Variants in DOCK9 observed in about 807,000 individuals in gnomAD.
DOCK9 encodes the protein dedicator of cytokinesis protein 9.
In DOCK9, 89 loss-of-function variants were observed where a neutral mutation model predicts 263.3. That is an observed-to-expected ratio of 0.34 (90% confidence interval 0.28 to 0.40). The LOEUF (loss-of-function observed/expected upper bound fraction) is 0.40. Among genes scored for constraint, DOCK9 ranks in the 10% least tolerant of loss-of-function variants. DOCK9 has a pLI of 1.00. For missense variants in DOCK9, 2,140 were observed against 2,603.4 expected, an observed-to-expected ratio of 0.82 and a Z score of 3.87; for synonymous variants, 976 against 973.1, an observed-to-expected ratio of 1.00 and a Z score of -0.06.
chr13:98,916,073 C>A (rs1039089173), intron 7 of DOCK9, among the ~76,000 whole-genome samples: 5 of 152,164 alleles, frequency 3.3e-5, no homozygotes, highest in African/African-American at 1.2e-4. Context: ...CCTCATGCCT[C>A]CAGTTTTCAT....
chr13:98,845,597 G>A (rs765823798), intron 38 of DOCK9, among the ~76,000 whole-genome samples: 3 of 152,140 alleles, frequency 2.0e-5, no homozygotes, highest in African/African-American at 7.2e-5. Flanking sequence ...ACATTAAGTC[G>A]GTTCTAGGTG....
At chr13:98,941,813 G>A (rs967638650) in intron 2 of DOCK9, among the ~76,000 whole-genome samples, 1 of 152,150 alleles carries the variant, frequency 6.6e-6, no homozygotes, top group Non-Finnish European at 1.5e-5. Flanking sequence ...CTAGAGGCGA[G>A]AATAGAGGCT....
chr13:99,027,011 C>CTTG lies in DOCK9; in HGVS notation c.129+59209_129+59211dup, dbSNP rs375011511. Among the ~76,000 whole-genome samples, 63 of 152,000 alleles carry CTTG rather than the reference C, an allele frequency of 4.1e-4. 1 individual carries two copies. Among genetic ancestry groups the CTTG allele is most frequent in the Middle Eastern group, 6.8e-3 (2 of 294 alleles). ...ACTGAGTCACATGGTCTCATTTAAT[C>CTTG]TTGTTGTTGTTGTTGTTGTCGTTGT... On this transcript the variant is annotated intron_variant, in intron 1 of 32. Transcript: ENST00000427887.
chr13:98,970,350 GT>G (rs1346836819), intron 1 of DOCK9, among the ~76,000 whole-genome samples: 1 of 152,192 alleles, frequency 6.6e-6, no homozygotes, highest in Non-Finnish European at 1.5e-5. Context: ...ATGGCTCAGT[GT>G]AAGAAAAGAC....
upstream of DOCK9, among the ~76,000 whole-genome samples, chr13:98,979,618 T>A (rs1567165151): frequency 6.6e-6 from 1 of 152,212 alleles, no homozygotes; most frequent in Non-Finnish European, 1.5e-5. Context: ...ATGGCTTCTA[T>A]AATTTTTTTT....
intron 1 of DOCK9, among the ~76,000 whole-genome samples, chr13:99,013,448 A>G: frequency 6.6e-6 from 1 of 152,140 alleles, no homozygotes. Flanking sequence ...CTATAAGTGT[A>G]CTCCTAGTAA....
intron 1 of DOCK9, chr13:99,015,727 C>G (rs1198167042): frequency 7.1e-7 from 1 of 1,412,710 alleles, no homozygotes; most frequent in Non-Finnish European, 9.2e-7. Context: ...GTCACCGGTA[C>G]TGGAACAGAA....
At chr13:99,029,256 T>C (rs974581823) in intron 1 of DOCK9, among the ~76,000 whole-genome samples, 2 of 152,180 alleles carry the variant, frequency 1.3e-5, no homozygotes, top group South Asian at 2.1e-4. Context: ...GTTTCAGCTC[T>C]GTGGGGCCTC....
chr13:98,897,281 AC>A (rs1453519056), intron 15 of DOCK9, among the ~76,000 whole-genome samples: 1 of 152,012 alleles, frequency 6.6e-6, no homozygotes, highest in Non-Finnish European at 1.5e-5. Flanking sequence ...ACCACCCAAA[AC>A]ATCCTCTACA....
At chr13:98,809,284 T>A in intron 47 of DOCK9, 68 bp downstream of exon 47, 1 of 1,166,312 alleles carries the variant, frequency 8.6e-7, no homozygotes, top group Non-Finnish European at 1.2e-6. Context: ...TATAGTTTTT[T>A]TTTTGTTTTT....
At chr13:98,899,228 A>G (rs1250514538) in intron 13 of DOCK9, among the ~76,000 whole-genome samples, 1 of 151,950 alleles carries the variant, frequency 6.6e-6, no homozygotes, top group African/African-American at 2.4e-5. Context: ...TTCTGACAAG[A>G]CCTCCGGTGA....
Position 98,955,478 on chromosome 13 carries a change from T to C in DOCK9, c.200A>G (p.Asp67Gly). The change falls in exon 2 of 53, where the codon GAC (aspartate) becomes GGC (glycine). Residue 67 changes from aspartate to glycine, a missense_variant. Around this residue, in one of 2 missense-constraint regions of DOCK9, gnomAD observed 1,521 missense variants for 1,741.7 expected, o/e 0.87. Transcript: ENST00000682017. Reference sequence around the variant, plus strand: ...GAAGAGCAGCATCTCCCGTAAACAGTCGTTCAGGATCTGAGTCTTCTTCTG... The same window carrying C: ...GAAGAGCAGCATCTCCCGTAAACAGCCGTTCAGGATCTGAGTCTTCTTCTG... ...IVQKKTQILN[D>G]CLREMLLFPY... is the part of the protein sequence containing the mutation. The C allele has an allele frequency of 6.3e-7, 1 of 1,598,146 alleles. No individual in the cohort carries two copies. The highest frequency in any genetic ancestry group is 8.5e-7 in the Non-Finnish European group (1 of 1,171,404).
chr13:98,853,229 T>C (rs562606091), intron 35 of DOCK9, among the ~76,000 whole-genome samples, 179 bp downstream of exon 35: 162 of 152,362 alleles, frequency 1.1e-3, no homozygotes, highest in African/African-American at 3.8e-3. Context: ...ATAAGGTTCT[T>C]ATTTCTAAGA....
chr13:98,913,221 A>G (rs1426856755), intron 9 of DOCK9, among the ~76,000 whole-genome samples: 1 of 152,216 alleles, frequency 6.6e-6, no homozygotes, highest in Non-Finnish European at 1.5e-5. Flanking sequence ...TAGATAAACC[A>G]TGTTTCTATT....
At chr13:99,023,648 T>C (rs1886380070) in intron 1 of DOCK9, among the ~76,000 whole-genome samples, 1 of 152,204 alleles carries the variant, frequency 6.6e-6, no homozygotes, top group African/African-American at 2.4e-5. Flanking sequence ...TACAGGTATC[T>C]TTCCATATTT....
chr13:99,059,465 T>A (rs1421616559), intron 1 of DOCK9, among the ~76,000 whole-genome samples: 1 of 151,996 alleles, frequency 6.6e-6, no homozygotes, highest in Admixed American at 6.6e-5. Flanking sequence ...TTTGGACCTG[T>A]CTACTTCCTA....
At chr13:99,074,753 T>C (rs2041840284) in intron 1 of DOCK9, among the ~76,000 whole-genome samples, 1 of 152,236 alleles carries the variant, frequency 6.6e-6, no homozygotes, top group African/African-American at 2.4e-5. Context: ...AGAGTGTATA[T>C]TCAGGGCAAT....
chr13:99,035,516 T>C (rs1042976705), intron 1 of DOCK9, among the ~76,000 whole-genome samples: 1 of 152,194 alleles, frequency 6.6e-6, no homozygotes, highest in East Asian at 1.9e-4. Flanking sequence ...GTCATGCACT[T>C]AAATGGGAAG....
intron 1 of DOCK9, among the ~76,000 whole-genome samples, chr13:99,050,302 C>T (rs984646112): frequency 6.6e-6 from 1 of 152,192 alleles, no homozygotes; most frequent in Non-Finnish European, 1.5e-5. Flanking sequence ...AAACCACTTC[C>T]CCTTGCAGTG....
Sources: gnomAD v4.1 joint callset for allele counts (sites outside exome capture counted in the v4.1 genomes callset) on GRCh38, gnomAD v4.1.1 for gene constraint, gnomAD v4.1.1 regional missense constraint, MANE v1.5 for transcripts, NCBI Gene and HGNC (gene_info 2026-07-23, HGNC 2026-07-21) for gene names.